The following REV1 variants were observed in gnomAD, a reference collection of about 807,000 sequenced individuals.
REV1 encodes REV1 DNA directed polymerase, also known as translesion synthesis protein REV1.
Under a neutral mutation model 137.4 loss-of-function variants are expected in REV1, and 42 were observed. The observed-to-expected ratio is 0.31, with a 90% confidence interval of 0.24 to 0.40. The LOEUF (loss-of-function observed/expected upper bound fraction) is 0.40. Among genes scored for constraint, REV1 ranks in the 10% least tolerant of loss-of-function variants. REV1 has a pLI of 1.00. For missense variants in REV1, 1,282 were observed against 1,490.1 expected (o/e 0.86, Z 2.30); for synonymous variants, 524 against 519.2 (o/e 1.01, Z -0.12).
chr2:99,412,696 G>A (rs918969189), intron 13 of REV1, 35 bp downstream of exon 13: 1 of 1,483,508 alleles, frequency 6.7e-7, no homozygotes, highest in Non-Finnish European at 9.4e-7. Flanking sequence ...AATATAAAGA[G>A]CAACAGATGG....
At chr2:99,417,578 G>A (rs530047249) in intron 12 of REV1, among the ~76,000 whole-genome samples, 82 of 152,314 alleles carry the variant, frequency 5.4e-4, no homozygotes, top group Non-Finnish European at 8.7e-4. Context: ...ATATGGGGAA[G>A]GCCATGTGAA....
chr2:99,444,821 G>C (rs1681982503), intron 4 of REV1, among the ~76,000 whole-genome samples: 1 of 152,038 alleles, frequency 6.6e-6, no homozygotes, highest in South Asian at 2.1e-4. Flanking sequence ...ATCTCTCTGG[G>C]ATTAATTTCT....
intron 8 of REV1, among the ~76,000 whole-genome samples, chr2:99,430,995 A>C (rs1438779084): frequency 6.6e-6 from 1 of 152,208 alleles, no homozygotes; most frequent in African/African-American, 2.4e-5. Context: ...CACTGTAACA[A>C]CACATAACTA....
intron 9 of REV1, among the ~76,000 whole-genome samples, chr2:99,426,562 C>T (rs181497673): frequency 1.6e-4 from 25 of 152,194 alleles, no homozygotes; most frequent in Non-Finnish European, 2.6e-4. Flanking sequence ...AAACAAAAAA[C>T]GAAAACCTTT....
chr2:99,451,169 G>A (rs1034325683), intron 3 of REV1, among the ~76,000 whole-genome samples: 19 of 152,034 alleles, frequency 1.2e-4, no homozygotes, highest in Non-Finnish European at 2.4e-4. Flanking sequence ...CATTAATATG[G>A]GCACCAAATC....
intron 3 of REV1, among the ~76,000 whole-genome samples, chr2:99,451,101 C>A (rs1194911285): frequency 6.6e-6 from 1 of 152,126 alleles, no homozygotes; most frequent in Non-Finnish European, 1.5e-5. Context: ...ACTAAAGAAC[C>A]TGGCTGATCT....
At chr2:99,479,013 A>T (rs1485317114) in intron 1 of REV1, among the ~76,000 whole-genome samples, 1 of 152,208 alleles carries the variant, frequency 6.6e-6, no homozygotes, top group East Asian at 1.9e-4. Flanking sequence ...AATGCAATTC[A>T]CCAGGTGAAG....
chr2:99,476,612 G>A (rs898848913), intron 1 of REV1, among the ~76,000 whole-genome samples: 5 of 152,028 alleles, frequency 3.3e-5, no homozygotes, highest in African/African-American at 1.2e-4. Context: ...TGTTTACCTG[G>A]GGGCTTTGAG....
intron 12 of REV1, among the ~76,000 whole-genome samples, chr2:99,415,286 G>T (rs189427324): frequency 9.5e-4 from 145 of 152,314 alleles, no homozygotes; most frequent in Non-Finnish European, 1.3e-4. Context: ...TTAAGGAAAA[G>T]GTGAAGGAAA....
chr2:99,422,591 G>A (rs536490288), intron 10 of REV1, among the ~76,000 whole-genome samples: 1 of 152,236 alleles, frequency 6.6e-6, no homozygotes, highest in East Asian at 1.9e-4. Context: ...AGAACAGAAG[G>A]GTATATCTGG....
At chr2:99,420,611 C>G (rs1227391236) in intron 11 of REV1, among the ~76,000 whole-genome samples, 1 of 152,192 alleles carries the variant, frequency 6.6e-6, no homozygotes, top group Non-Finnish European at 1.5e-5. Context: ...TGTGCCCCTC[C>G]TCTCGGGAAA....
At chr2:99,409,718 C>T (rs1162696897) in intron 14 of REV1, among the ~76,000 whole-genome samples, 1 of 151,814 alleles carries the variant, frequency 6.6e-6, no homozygotes, top group Admixed American at 6.6e-5. Context: ...GTGGCATGCC[C>T]CATAATCCCA....
rs777070534 is a variant in REV1, at chr2:99,435,878, C to T, written c.1277G>A (p.Cys426Tyr). The change falls in exon 7 of 23, where the codon TGC (cysteine) becomes TAC (tyrosine). Residue 426 changes from cysteine to tyrosine, a missense_variant. Cys to Tyr is a radical substitution (Grantham distance 194). This residue lies in a region of REV1 where 432 missense variants were observed against 438.0 expected (regional missense o/e 0.99). Coordinates refer to ENST00000258428, the MANE Select transcript of REV1 (RefSeq NM_016316.4). Reference protein sequence around the residue: ...QSCIMHVDMDCFFVSVGIRNR... With the variant: ...QSCIMHVDMDYFFVSVGIRNR... Reference sequence around the variant, plus strand: ...TCGTATACCCACTGATACAAAGAAGCAATCCATATCAACATGCATTATACA... The same window carrying T: ...TCGTATACCCACTGATACAAAGAAGTAATCCATATCAACATGCATTATACA... 3 of 1,608,368 alleles carry T rather than the reference C, an allele frequency of 1.9e-6. No individual in the cohort carries two copies. Among genetic ancestry groups the T allele is most frequent in the Non-Finnish European group, 2.6e-6 (3 of 1,175,640 alleles).
intron 3 of REV1, among the ~76,000 whole-genome samples, chr2:99,458,534 A>G (rs1379716974): frequency 1.3e-5 from 2 of 152,240 alleles, no homozygotes; most frequent in Non-Finnish European, 2.9e-5. Flanking sequence ...AGTTTCTTAC[A>G]AAAACTAAAG....
chr2:99,441,310 T>C (rs1050576256), intron 5 of REV1, among the ~76,000 whole-genome samples: 45 of 152,232 alleles, frequency 3.0e-4, no homozygotes, highest in African/African-American at 1.0e-3. Context: ...ATTAGACTCC[T>C]GGTGTTTTCG....
chr2:99,428,965 C>G (rs1679756561), intron 9 of REV1, among the ~76,000 whole-genome samples: 2 of 141,650 alleles, frequency 1.4e-5, no homozygotes, highest in Non-Finnish European at 3.0e-5. Context: ...GCACTCCAGC[C>G]TGGGTGACAG....
chr2:99,445,558 T>C (rs949931556), intron 4 of REV1, among the ~76,000 whole-genome samples: 1 of 152,218 alleles, frequency 6.6e-6, no homozygotes, highest in African/African-American at 2.4e-5. Context: ...TCCATGACAC[T>C]CCTCAGGTTT....
Position 99,402,940 on chromosome 2 carries a change from C to T in REV1, c.3333G>A (p.Lys1111=). The change falls in exon 20 of 23, where the codon AAG becomes AAA. Residue 1111 remains lysine (K), a synonymous_variant. Transcript: ENST00000258428. ...TLPGACGSPQ[K]LIDGFLKHEG... Reference sequence around the variant, plus strand: ...CATGTTTTAGAAACCCATCAATTAACTTCTGGGGACTGCCACAGGCCCCTG... The same window carrying T: ...CATGTTTTAGAAACCCATCAATTAATTTCTGGGGACTGCCACAGGCCCCTG... 1 of 1,614,196 alleles carries T rather than the reference C, an allele frequency of 6.2e-7. No individual in the cohort carries two copies. Among genetic ancestry groups the T allele is most frequent in the Non-Finnish European group, 8.5e-7 (1 of 1,180,036 alleles).
intron 7 of REV1, 34 bp downstream of exon 7, chr2:99,435,800 T>G: frequency 9.9e-7 from 1 of 1,011,974 alleles, no homozygotes; most frequent in Non-Finnish European, 1.5e-6. Context: ...TAACAATATA[T>G]CAGTTTTCTT....
Sources: allele counts gnomAD v4.1 joint callset (sites outside exome capture counted in the v4.1 genomes callset), GRCh38; gene constraint gnomAD v4.1.1; regional missense constraint gnomAD v4.1.1; transcripts MANE v1.5; gene names NCBI Gene and HGNC (gene_info 2026-07-23, HGNC 2026-07-21).